Variants in IL9R observed in about 807,000 individuals in gnomAD.
IL9R encodes the protein interleukin-9 receptor.
IL9R carries 54 observed loss-of-function variants against 56.3 expected under a neutral mutation model. The observed-to-expected ratio is 0.96, with a 90% CI of 0.77 to 1.20. The LOEUF (loss-of-function observed/expected upper bound fraction) is 1.20. IL9R is among the 50% of genes most tolerant of loss of function. The pLI is 0.00. For missense variants in IL9R, 545 were observed against 629.8 expected (o/e 0.87, Z 1.44); for synonymous variants, 212 against 250.2 (o/e 0.85, Z 1.44).
chrX:155,999,288 C>A (rs1212149688), intron 1 of IL9R, among the ~76,000 whole-genome samples: 1 of 152,114 alleles, frequency 6.6e-6, no homozygotes, highest in South Asian at 2.1e-4. Flanking sequence ...CTCTGCAGTG[C>A]CAAGTCCAGC....
rs932527382 is a variant in IL9R at position 156,003,301 on chromosome X, G to A, written c.143-148G>A. 5.7e-6 allele frequency: 4 copies of A among 699,372 alleles called. No homozygotes were observed. In the Admixed American group the frequency reaches 6.6e-5, roughly 12 times the overall value. The allele number at this position is 699,372 out of a possible 1,614,324, so 43.3% of individuals were successfully genotyped here. On this transcript the variant is annotated intron_variant, in intron 2 of 8. Coordinates refer to ENST00000244174, the MANE Select transcript of IL9R (RefSeq NM_002186.3). ...ACAGGTCAGAGCCCATCACTTCCCA[G>A]GCCTCCCAGTGCTTCCCTGGACAGA...
intron 1 of IL9R, chrX:156,001,346 C>T: frequency 8.8e-7 from 1 of 1,139,184 alleles, no homozygotes; most frequent in Non-Finnish European, 1.3e-6. Context: ...GTGGTGACTC[C>T]AACCCTGCCC....
chrX:156,008,918 T>G (rs1262178836), intron 8 of IL9R, among the ~76,000 whole-genome samples: 15 of 139,584 alleles, frequency 1.1e-4, no homozygotes, highest in Non-Finnish European at 1.9e-4. Context: ...TTCGTGTGTG[T>G]GTCTGTGTGT....
Position 155,997,804 on chromosome X carries a change from G to A in IL9R, c.28+17G>A, listed in dbSNP as rs755886707. On this transcript the variant is annotated intron_variant, in intron 1 of 8. Transcript: ENST00000244174. ...TCTGGGAAGGTGAGTCTGTGCTTTGGGCTTCCCAACCTCTCAAGTCAGCAT... is the reference window on the plus strand; with the variant it reads ...TCTGGGAAGGTGAGTCTGTGCTTTGAGCTTCCCAACCTCTCAAGTCAGCAT... 6.2e-7 allele frequency: 1 copy of A among 1,611,674 alleles called. No homozygotes were observed. Among genetic ancestry groups the A allele is most frequent in the Non-Finnish European group, 8.5e-7 (1 of 1,178,038 alleles).
Position 156,005,367 on chromosome X carries a change from G to C in IL9R, c.669G>C (p.Arg223Ser), listed in dbSNP as rs147480223. 6.2e-7 allele frequency: 1 copy of C among 1,612,744 alleles called. No homozygotes were observed. Among genetic ancestry groups the C allele is most frequent in the African/African-American group, 1.3e-5 (1 of 74,860 alleles). The change falls in exon 6 of 9, where the codon AGG becomes AGC. Residue 223 changes from arginine to serine, a missense_variant. Arg to Ser is a moderately radical substitution (Grantham distance 110). Coordinates refer to ENST00000244174, the MANE Select transcript of IL9R (RefSeq NM_002186.3). ...ACCCTGGCTTTATCCATGAGGCCAGGCTGCGTGTCCAGATGGCCACACTGG... is the reference window on the plus strand; with the variant it reads ...ACCCTGGCTTTATCCATGAGGCCAGCCTGCGTGTCCAGATGGCCACACTGG... ...ELDPGFIHEA[R>S]LRVQMATLED...
chrX:156,003,504 C>T lies in IL9R; in HGVS notation c.198C>T (p.Cys66=). ...CLTNNILRID[C]HWSAPELGQG... is the part of the protein sequence containing the mutation. ...CCAACAACATTCTCAGGATCGATTG[C>T]CACTGGTCTGCCCCAGAGCTGGGAC... The change falls in exon 3 of 9, where the codon TGC becomes TGT. Residue 66 remains cysteine, a synonymous_variant. Coordinates refer to ENST00000244174, the MANE Select transcript of IL9R (RefSeq NM_002186.3). 2 of 1,612,522 alleles carry T rather than the reference C, an allele frequency of 1.2e-6. No homozygotes were observed. The highest frequency in any genetic ancestry group is 1.7e-6 in the Non-Finnish European group (2 of 1,179,812).
intron 4 of IL9R, 193 bp from the exon 5 acceptor site, chrX:156,004,227 C>A (rs1241272207): frequency 4.9e-6 from 3 of 615,962 alleles, no homozygotes; most frequent in Non-Finnish European, 5.8e-6. Context: ...AGTCTAGGTG[C>A]AGAGGCCAGA....
chrX:156,003,086 T>C, intron 2 of IL9R, 67 bp downstream of exon 2: 1 of 1,595,408 alleles, frequency 6.3e-7, no homozygotes, highest in South Asian at 1.1e-5. Flanking sequence ...GGGGACTGGG[T>C]TGTCCGATGT....
In IL9R at chrX:156,004,005, G is replaced by C. The variant is rs759541219; in HGVS notation, c.433+150G>C. The C allele has an allele frequency of 5.7e-5, 50 of 870,464 alleles. No homozygotes were observed. The African/African-American group carries it at 7.1e-4, about 12-fold the overall frequency. 53.9% of individuals were successfully genotyped at this position (870,464 alleles called of 1,614,324 possible). A position where few individuals can be genotyped will look rare whatever the true frequency, so the allele number is the denominator to read the frequency against. On this transcript the variant is annotated intron_variant, in intron 4 of 8. Transcript: ENST00000244174. ...GAGATCCAGGGCTGGGGGCAGGCTTGGCCCTTGGGAGGGGAGGGCCCATAT... is the reference window on the plus strand; with the variant it reads ...GAGATCCAGGGCTGGGGGCAGGCTTCGCCCTTGGGAGGGGAGGGCCCATAT...
chrX:156,009,340 G>C (rs2068316991), intron 8 of IL9R, among the ~76,000 whole-genome samples: 1 of 144,010 alleles, frequency 6.9e-6, no homozygotes, highest in Non-Finnish European at 1.5e-5. Flanking sequence ...GTGTGTTTGT[G>C]TGTGTGTGTC....
intron 8 of IL9R, among the ~76,000 whole-genome samples, chrX:156,008,853 C>A (rs1169778108): frequency 6.6e-6 from 1 of 150,944 alleles, no homozygotes; most frequent in African/African-American, 2.4e-5. Context: ...GTCCTGACAG[C>A]GATTCGTGTG....
At chrX:156,009,268 GTGTGTGTATGTC>G (rs2068297753) in intron 8 of IL9R, among the ~76,000 whole-genome samples, 2 of 125,914 alleles carry the variant, frequency 1.6e-5, no homozygotes, top group Non-Finnish European at 3.2e-5. Context: ...GTGTGTGTTT[GTGTGTGTATGTC>G]TGTGTGTGTG....
In IL9R at chrX:156,005,376, C is replaced by G. The variant is rs144396345; in HGVS notation, c.678C>G (p.Val226=). ...PGFIHEARLR[V]QMATLEDDVV... ...TTATCCATGAGGCCAGGCTGCGTGT[C>G]CAGATGGCCACACTGGAGGATGATG... The change falls in exon 6 of 9, where the codon GTC becomes GTG. Residue 226 remains valine (V), a synonymous_variant. Transcript: ENST00000244174. 129 of 1,612,824 alleles carry G rather than the reference C, an allele frequency of 8.0e-5. No individual in the cohort carries two copies. Among genetic ancestry groups the G allele is most frequent in the Non-Finnish European group, 1.0e-4 (118 of 1,179,806 alleles).
At chrX:156,006,653 C>T (rs975682845) in intron 7 of IL9R, among the ~76,000 whole-genome samples, 4 of 151,946 alleles carry the variant, frequency 2.6e-5, no homozygotes, top group African/African-American at 4.8e-5. Flanking sequence ...TAAACCGTCA[C>T]GCCTCATGCA....
At chrX:155,999,438 C>A (rs763899004) in intron 1 of IL9R, among the ~76,000 whole-genome samples, 1 of 152,252 alleles carries the variant, frequency 6.6e-6, no homozygotes, top group Non-Finnish European at 1.5e-5. Context: ...GCCTTCCCTG[C>A]ACCTTCTCTA....
intron 1 of IL9R, 116 bp downstream of exon 1, chrX:155,997,903 C>A: frequency 3.1e-6 from 3 of 981,584 alleles, no homozygotes; most frequent in Non-Finnish European, 4.9e-6. Context: ...CATTTGAGAG[C>A]GCCACCCTAG....
chrX:155,997,937 C>T, intron 1 of IL9R, 150 bp downstream of exon 1: 1 of 753,902 alleles, frequency 1.3e-6, no homozygotes. Flanking sequence ...GGTGTCCTGG[C>T]CTTGTGTATC....
At chrX:156,003,195 T>C (rs1007960038) in intron 2 of IL9R, among the ~76,000 whole-genome samples, 176 bp downstream of exon 2, 1 of 152,040 alleles carries the variant, frequency 6.6e-6, no homozygotes, top group African/African-American at 2.4e-5. Context: ...TTTACCTCCC[T>C]ACCTTCATTC....
At chrX:156,001,278 C>T in intron 1 of IL9R, 1 of 759,854 alleles carries the variant, frequency 1.3e-6, no homozygotes, top group South Asian at 1.5e-5. Flanking sequence ...GTTGTCCATT[C>T]TGGGGCCTGG....
Sources: allele counts gnomAD v4.1 joint callset (sites outside exome capture counted in the v4.1 genomes callset), GRCh38; gene constraint gnomAD v4.1.1; transcripts MANE v1.5; gene names NCBI Gene and HGNC (gene_info 2026-07-23, HGNC 2026-07-21).